The following PUS10 variants were observed in gnomAD, a reference collection of about 807,000 sequenced individuals.
The protein encoded by PUS10 is tRNA pseudouridine synthase Pus10.
In PUS10, 59 loss-of-function variants were observed where a neutral mutation model predicts 75.0. That is an observed-to-expected ratio of 0.79 (90% CI 0.64 to 0.98). PUS10 has a LOEUF of 0.98. PUS10 is among the 50% of genes least tolerant of loss of function. The probability of loss-of-function intolerance (pLI) is 0.00; values close to 1 mark genes in which losing one functional copy is unlikely to be tolerated. For missense variants in PUS10, 650 were observed against 614.4 expected (o/e 1.06, Z -0.61); for synonymous variants, 219 against 211.6 (o/e 1.03, Z -0.30).
intron 16 of PUS10, among the ~76,000 whole-genome samples, chr2:60,945,344 C>CT (rs1299864163): frequency 6.6e-6 from 1 of 152,152 alleles, no homozygotes; most frequent in Non-Finnish European, 1.5e-5. Context: ...TCATTACTTT[C>CT]TTTTTTCTTT....
intron 6 of PUS10, chr2:60,966,462 A>C (rs1676348886): frequency 6.6e-6 from 1 of 152,164 alleles, no homozygotes; most frequent in Admixed American, 6.6e-5. Context: ...CCTTATTCTA[A>C]TCTATACAAT....
At chr2:60,960,862 A>C (rs1219563161) in intron 10 of PUS10, among the ~76,000 whole-genome samples, 3 of 136,070 alleles carry the variant, frequency 2.2e-5, no homozygotes, top group South Asian at 2.2e-4. Flanking sequence ...AAAAAAAAAA[A>C]CGCAACCAAA....
At chr2:61,012,403 C>A (rs1035645259) in intron 1 of PUS10, among the ~76,000 whole-genome samples, 11 of 152,056 alleles carry the variant, frequency 7.2e-5, no homozygotes, top group South Asian at 2.1e-4. Context: ...TTTTCTCTGA[C>A]CTTCTGCCCT....
At chr2:60,999,907 C>G (rs951074766) in intron 4 of PUS10, among the ~76,000 whole-genome samples, 2 of 152,062 alleles carry the variant, frequency 1.3e-5, no homozygotes, top group African/African-American at 2.4e-5. Flanking sequence ...TACATAGCAC[C>G]CACATTGTAG....
chr2:60,961,540 G>C lies in PUS10; in HGVS notation c.797C>G (p.Pro266Arg). ...AGCCTTTGGTGAGTTTGGAGGACAA[G>C]GAAACTGCCTGCAAAACAAAATAAA... ...IKEEDFLKQF[P>R]CPPNSPKAVC... The change falls in exon 10 of 18, where the codon CCT becomes CGT. Residue 266 changes from proline to arginine, a missense_variant. Pro to Arg is a moderately radical substitution (Grantham distance 103, BLOSUM62 -2). Transcript: ENST00000316752. 1 of 1,613,408 alleles carries C rather than the reference G, an allele frequency of 6.2e-7. No homozygotes were observed. The highest frequency in any genetic ancestry group is 1.7e-5 in the Admixed American group (1 of 59,976).
intron 11 of PUS10, among the ~76,000 whole-genome samples, chr2:60,959,270 T>C (rs1383462044): frequency 2.0e-5 from 3 of 152,230 alleles, no homozygotes; most frequent in Non-Finnish European, 4.4e-5. Context: ...GTGTTTTAAT[T>C]TCCTCATATT....
intron 3 of PUS10, 86 bp downstream of exon 3, chr2:61,008,675 G>GA: frequency 8.8e-7 from 1 of 1,134,456 alleles, no homozygotes; most frequent in Non-Finnish European, 1.2e-6. Flanking sequence ...GTCTTGTCTT[G>GA]AAAAAAGGAA....
At chr2:60,971,632 T>C in intron 4 of PUS10, 75 bp from the exon 5 acceptor site, 1 of 1,347,718 alleles carries the variant, frequency 7.4e-7, no homozygotes, top group South Asian at 1.2e-5. Flanking sequence ...TCAATATCAT[T>C]ACTGAAGTGC....
At chr2:61,000,446 G>A (rs756909577) in intron 4 of PUS10, among the ~76,000 whole-genome samples, 5 of 151,966 alleles carry the variant, frequency 3.3e-5, no homozygotes, top group Non-Finnish European at 7.4e-5. Flanking sequence ...TTATCTTTAG[G>A]TCCCAGGTCT....
At chr2:60,986,832 C>G (rs1677751930) in intron 4 of PUS10, among the ~76,000 whole-genome samples, 1 of 152,180 alleles carries the variant, frequency 6.6e-6, no homozygotes, top group South Asian at 2.1e-4. Context: ...GGTTCAAGCT[C>G]TCTCTCCTAC....
intron 11 of PUS10, 45 bp downstream of exon 11, chr2:60,960,343 CAAAA>C (rs375391646): frequency 2.5e-3 from 2,819 of 1,131,240 alleles, no homozygotes; most frequent in South Asian, 5.6e-3. Context: ...GCCCCTATCT[CAAAA>C]AAAAAAAAAA....
At chr2:61,016,097 G>A (rs1679958465) in intron 1 of PUS10, among the ~76,000 whole-genome samples, 1 of 152,162 alleles carries the variant, frequency 6.6e-6, no homozygotes, top group South Asian at 2.1e-4. Flanking sequence ...AGAAGACAAT[G>A]TTTATTTTTC....
intron 17 of PUS10, 28 bp downstream of exon 17, chr2:60,944,981 A>T (rs371267966): frequency 3.3e-6 from 5 of 1,534,730 alleles, no homozygotes; most frequent in Non-Finnish European, 2.7e-6. Context: ...CAATTTGCCA[A>T]TGTGCATTCC....
rs70959883 is a variant in PUS10 at position 61,004,628 on chromosome 2, C to CAAAAAA, written c.468+1923_468+1928dup. Among the ~76,000 whole-genome samples the CAAAAAA allele has an allele frequency of 8.9e-4, 60 of 67,202 alleles. 1 individual carries two copies. The highest frequency in any genetic ancestry group is 1.8e-3 in the South Asian group (3 of 1,622). 44.1% of individuals were successfully genotyped at this position (67,202 alleles called of 152,430 possible). A position where few individuals can be genotyped will look rare whatever the true frequency, so the allele number is the denominator to read the frequency against. ...TGCGTGACAGAGACAGACTCCGTCT[C>CAAAAAA]AAAAAAAAAAAAAAAAAAAAAAAGA... is the stretch of plus-strand genomic sequence containing the variant. On this transcript the variant is annotated intron_variant, in intron 4 of 17. Transcript: ENST00000316752.
In PUS10 at chr2:61,011,853, T is replaced by C. The variant is rs2104739174; in HGVS notation, c.38A>G (p.Gln13Arg). 1 of 1,607,948 alleles carries C rather than the reference T, an allele frequency of 6.2e-7. No homozygotes were observed. ...ACAAGTACCAGTATTGAGCAACAAC[T>C]GGGCCACATGCTTGTTTTCCTCAGT... ...PLTEENKHVA[Q>R]LLLNTGTCPR... is the part of the protein sequence containing the mutation. The change falls in exon 2 of 18, where the codon CAG (glutamine) becomes CGG (arginine). Residue 13 changes from glutamine to arginine, a missense_variant. Transcript: ENST00000316752.
At chr2:61,009,787 T>C (rs1679479658) in intron 2 of PUS10, 1 of 152,326 alleles carries the variant, frequency 6.6e-6, no homozygotes, top group African/African-American at 2.4e-5. Context: ...AAAAGTATAT[T>C]TTTCAAATTC....
intron 1 of PUS10, 103 bp from the exon 2 acceptor site, chr2:61,012,008 C>A (rs934135382): frequency 2.5e-6 from 2 of 792,728 alleles, no homozygotes; most frequent in Non-Finnish European, 3.7e-6. Context: ...TTGAAAAACA[C>A]TATTGTGTAC....
At chr2:60,981,787 T>A (rs1677411146) in intron 4 of PUS10, among the ~76,000 whole-genome samples, 1 of 152,190 alleles carries the variant, frequency 6.6e-6, no homozygotes, top group South Asian at 2.1e-4. Flanking sequence ...CTACATTCAA[T>A]TTGCTGTAAT....
rs1676289069 is a variant in PUS10, at chr2:60,965,561, T to G, written c.616-77A>C. Reference sequence around the variant, plus strand: ...ACAACTTATTAATGGAAATAGAAATTAATTCTCAAAGATTGGCTCAGAAAA... The same window carrying G: ...ACAACTTATTAATGGAAATAGAAATGAATTCTCAAAGATTGGCTCAGAAAA... On this transcript the variant is annotated intron_variant, in intron 6 of 17. Transcript: ENST00000316752. 12 of 1,049,430 alleles carry G rather than the reference T, an allele frequency of 1.1e-5. 1 individual carries two copies. In the East Asian group the frequency reaches 3.0e-4, roughly 26 times the overall value. 65.0% of individuals were successfully genotyped at this position (1,049,430 alleles called of 1,614,324 possible). A position where few individuals can be genotyped will look rare whatever the true frequency, so the allele number is the denominator to read the frequency against.
Sources: allele counts gnomAD v4.1 joint callset (sites outside exome capture counted in the v4.1 genomes callset), GRCh38; gene constraint gnomAD v4.1.1; transcripts MANE v1.5; gene names NCBI Gene and HGNC (gene_info 2026-07-23, HGNC 2026-07-21).